The following COL25A1 variants were observed in gnomAD, a reference collection of about 807,000 sequenced individuals.
The protein encoded by COL25A1 is collagen alpha-1(XXV) chain.
Under a neutral mutation model 128.4 loss-of-function variants are expected in COL25A1, and 103 were observed. The ratio of observed to expected loss-of-function variants is 0.80; its 90% CI spans 0.68 to 0.94. The LOEUF is 0.94. COL25A1 is among the 40% of genes least tolerant of loss of function. The pLI is 0.00. For missense variants in COL25A1, 745 were observed against 840.0 expected (o/e 0.89, Z 1.40); for synonymous variants, 279 against 277.2 (o/e 1.01, Z -0.06).
Position 109,288,992 on chromosome 4 carries a change from CACACACACACACAT to C in COL25A1, c.367+11577_367+11590del, listed in dbSNP as rs1323123727. Among the ~76,000 whole-genome samples, 434 of 151,512 alleles carry C rather than the reference CACACACACACACAT, an allele frequency of 2.9e-3. 3 individuals are homozygous for C. The highest frequency in any genetic ancestry group is 9.8e-3 in the African/African-American group (405 of 41,286). On this transcript the variant is annotated intron_variant, in intron 3 of 37. Coordinates refer to ENST00000399132, the MANE Select transcript of COL25A1 (RefSeq NM_198721.4). ...ACACACACACACACACACACACACACACACACACACACATATATATACAAAATTTTTTGCTTACC... is the reference window on the plus strand; with the variant it reads ...ACACACACACACACACACACACACACATATATACAAAATTTTTTGCTTACC...
At chr4:109,088,008 C>T (rs932937758) in intron 3 of COL25A1, among the ~76,000 whole-genome samples, 1 of 151,060 alleles carries the variant, frequency 6.6e-6, no homozygotes, top group Admixed American at 6.6e-5. Flanking sequence ...AATGAATGGA[C>T]TCTAAGTTTC....
chr4:108,825,584 T>G (rs1459812431), intron 33 of COL25A1, among the ~76,000 whole-genome samples: 1 of 152,172 alleles, frequency 6.6e-6, no homozygotes. Context: ...TAGACTAATA[T>G]TCTACTGATG....
intron 3 of COL25A1, among the ~76,000 whole-genome samples, chr4:109,249,943 G>C (rs1780538353): frequency 6.6e-6 from 1 of 152,148 alleles, no homozygotes; most frequent in African/African-American, 2.4e-5. Flanking sequence ...TTAACATGTG[G>C]AGGATACTGA....
chr4:109,118,238 G>A (rs183869589), intron 3 of COL25A1, among the ~76,000 whole-genome samples: 89 of 151,952 alleles, frequency 5.9e-4, no homozygotes, highest in African/African-American at 1.9e-3. Context: ...GTTGATCAAA[G>A]GGTACAATGT....
intron 8 of COL25A1, among the ~76,000 whole-genome samples, 184 bp downstream of exon 8, chr4:108,974,183 T>C (rs1231629106): frequency 6.6e-6 from 1 of 152,222 alleles, no homozygotes; most frequent in Non-Finnish European, 1.5e-5. Flanking sequence ...CAAGTAAAGA[T>C]AATGCAACAG....
intron 8 of COL25A1, among the ~76,000 whole-genome samples, chr4:108,946,303 T>C (rs927167704): frequency 2.0e-5 from 3 of 152,242 alleles, no homozygotes; most frequent in Non-Finnish European, 2.9e-5. Flanking sequence ...GGTGTTATTG[T>C]CATTTTTATT....
At chr4:108,828,105 A>G (rs1385040943) in intron 32 of COL25A1, among the ~76,000 whole-genome samples, 4 of 152,148 alleles carry the variant, frequency 2.6e-5, no homozygotes, top group Admixed American at 1.3e-4. Flanking sequence ...CTATATAATC[A>G]TGTACACAGT....
At chr4:109,006,315 G>A (rs1007035574) in intron 6 of COL25A1, among the ~76,000 whole-genome samples, 10 of 149,678 alleles carry the variant, frequency 6.7e-5, no homozygotes, top group South Asian at 2.1e-4. Context: ...AGGTTCAAGC[G>A]GTTCTCCTGC....
intron 3 of COL25A1, among the ~76,000 whole-genome samples, chr4:109,113,823 ATAGACT>A (rs1273323537): frequency 6.6e-6 from 1 of 152,160 alleles, no homozygotes; most frequent in Non-Finnish European, 1.5e-5. Context: ...TAAATAACAG[ATAGACT>A]TAGAATACAA....
At chr4:108,968,209 T>C (rs1477008231) in intron 8 of COL25A1, among the ~76,000 whole-genome samples, 9 of 152,182 alleles carry the variant, frequency 5.9e-5, no homozygotes. Flanking sequence ...ACTGTAGGCC[T>C]GAAATTGGTT....
chr4:109,136,546 C>T (rs1337713005), intron 3 of COL25A1, among the ~76,000 whole-genome samples: 1 of 152,226 alleles, frequency 6.6e-6, no homozygotes, highest in Non-Finnish European at 1.5e-5. Flanking sequence ...GTCTGTAGTA[C>T]ACACGTGAGT....
intron 3 of COL25A1, among the ~76,000 whole-genome samples, chr4:109,218,606 A>T (rs1778218456): frequency 2.0e-5 from 3 of 151,866 alleles, no homozygotes; most frequent in Admixed American, 2.0e-4. Context: ...AACTTTAGGA[A>T]TATGTTGGGT....
At chr4:108,996,654 C>A (rs1754805565) in intron 6 of COL25A1, among the ~76,000 whole-genome samples, 1 of 152,128 alleles carries the variant, frequency 6.6e-6, no homozygotes, top group Non-Finnish European at 1.5e-5. Flanking sequence ...ACTCTACAAC[C>A]CAAATCAACA....
At chr4:109,229,165 AT>A (rs11285270) in intron 3 of COL25A1, among the ~76,000 whole-genome samples, 13,168 of 152,270 alleles carry the variant, frequency 0.086, 1,183 homozygotes, top group African/African-American at 0.23. Flanking sequence ...AAAAAATTGG[AT>A]TTCTAAATAG....
chr4:109,025,466 C>A (rs1046453449), intron 5 of COL25A1, among the ~76,000 whole-genome samples: 1 of 152,034 alleles, frequency 6.6e-6, no homozygotes, highest in Admixed American at 6.6e-5. Context: ...TTATATGTGC[C>A]CAATTCTGAT....
chr4:108,964,116 T>C (rs1751042310), intron 8 of COL25A1, among the ~76,000 whole-genome samples: 2 of 150,082 alleles, frequency 1.3e-5, no homozygotes, highest in Admixed American at 1.3e-4. Context: ...AATTAATAAA[T>C]AGTAAATAAG....
chr4:109,010,217 C>G (rs192440274), intron 6 of COL25A1, 141 bp downstream of exon 6: 2 of 689,056 alleles, frequency 2.9e-6, no homozygotes, highest in East Asian at 3.1e-5. Flanking sequence ...GGGTTTACTC[C>G]TGGGAAATAT....
At chr4:109,155,409 C>T (rs567920320) in intron 3 of COL25A1, among the ~76,000 whole-genome samples, 66 of 152,218 alleles carry the variant, frequency 4.3e-4, no homozygotes, top group African/African-American at 1.5e-3. Flanking sequence ...TAAAGGACAC[C>T]GTAAGGTACT....
rs184003470 is a variant in COL25A1, at chr4:108,889,767, G to A, written c.907-34C>T. Reference sequence around the variant, plus strand: ...AAACCCAGGAGAGATTATCTCACAAGTTATGGGAATAGGAAACATCACAAG... The same window carrying A: ...AAACCCAGGAGAGATTATCTCACAAATTATGGGAATAGGAAACATCACAAG... On this transcript the variant is annotated intron_variant, in intron 16 of 37. Transcript: ENST00000399132. 8.8e-4 allele frequency: 1,408 copies of A among 1,599,918 alleles called. 23 individuals are homozygous for A. The Admixed American group carries it at 0.023, about 26-fold the overall frequency.
Sources: allele counts gnomAD v4.1 joint callset (sites outside exome capture counted in the v4.1 genomes callset), GRCh38; gene constraint gnomAD v4.1.1; transcripts MANE v1.5; gene names NCBI Gene and HGNC (gene_info 2026-07-23, HGNC 2026-07-21).